HOMER2: variants seen among roughly 807,000 people sequenced by gnomAD.
The protein encoded by HOMER2 is homer scaffold protein 2.
In HOMER2, 27 loss-of-function variants were observed where a neutral mutation model predicts 47.0. That is an observed-to-expected ratio of 0.57 (90% CI 0.42 to 0.79). The LOEUF is 0.79. Ranked by LOEUF, HOMER2 falls within the 30% of genes least tolerant of loss-of-function variation. The pLI is 0.00. For synonymous variants in HOMER2, 161 were observed against 163.8 expected (o/e 0.98, Z 0.13); for missense variants, 443 against 435.0 (o/e 1.02, Z -0.16).
chr15:82,967,851 T>A (rs1008344535), intron 1 of HOMER2, among the ~76,000 whole-genome samples: 3 of 151,410 alleles, frequency 2.0e-5, no homozygotes, highest in Non-Finnish European at 4.4e-5. Context: ...CACTCCAGCC[T>A]GGGTGACAGA....
At chr15:82,934,922 C>T (rs115297673) in intron 1 of HOMER2, among the ~76,000 whole-genome samples, 2,364 of 152,322 alleles carry the variant, frequency 0.016, 33 homozygotes, top group African/African-American at 0.03. Flanking sequence ...TCTCTGCTGA[C>T]GACCCTGCCT....
intron 5 of HOMER2, among the ~76,000 whole-genome samples, chr15:82,856,652 C>T (rs573969799): frequency 6.6e-6 from 1 of 152,294 alleles, no homozygotes; most frequent in African/African-American, 2.4e-5. Flanking sequence ...AAAGCTCTCA[C>T]AATTGTCTGA....
intron 1 of HOMER2, among the ~76,000 whole-genome samples, chr15:82,900,918 G>A (rs1194430270): frequency 6.6e-6 from 1 of 152,176 alleles, no homozygotes; most frequent in East Asian, 1.9e-4. Context: ...AATCCTCCTA[G>A]TCCTCTGACT....
chr15:82,864,292 T>C (rs980134002), intron 3 of HOMER2, 33 bp from the exon 4 acceptor site: 1 of 1,455,848 alleles, frequency 6.9e-7, no homozygotes, highest in Non-Finnish European at 9.6e-7. Flanking sequence ...AAGGCTTTTA[T>C]TAACCTCACT....
intron 3 of HOMER2, among the ~76,000 whole-genome samples, chr15:82,873,254 G>A (rs775960149): frequency 6.6e-6 from 1 of 152,140 alleles, no homozygotes; most frequent in Non-Finnish European, 1.5e-5. Flanking sequence ...ATTCCACTGG[G>A]CCCCTTATTC....
At chr15:82,835,824 C>G (rs1259955564), downstream of HOMER2, 2 of 152,260 alleles carry the variant, frequency 1.3e-5, no homozygotes, top group African/African-American at 4.8e-5. Flanking sequence ...CCTCCTTCCC[C>G]ACCACAGACA....
At position 82,854,770 on chromosome 15, in the gene HOMER2, C is replaced by T. The variant is rs763908871; in HGVS notation, c.525G>A (p.Glu175=). The T allele has an allele frequency of 6.2e-6, 10 of 1,611,022 alleles. No individual in the cohort carries two copies. In the Admixed American group the frequency reaches 1.7e-4, roughly 27 times the overall value. The part of the protein sequence containing the change: ...SAANVKKWEI[E]LQTLRESNAR... ...CATTGCTCTCCCGAAGGGTCTGCAG[C>T]TCGATCTCCCACTTCTTCACGTTGG... Residue 175 remains glutamate (E), a synonymous_variant, in exon 6 of 9, where the codon GAG becomes GAA. Transcript: ENST00000450735.
At chr15:82,982,292 G>A (rs74030859) in intron 1 of HOMER2, among the ~76,000 whole-genome samples, 340 of 152,268 alleles carry the variant, frequency 2.2e-3, no homozygotes, top group African/African-American at 7.4e-3. Context: ...AAAAATTTCT[G>A]ATGCTTAAAG....
chr15:82,978,766 A>G (rs2123161), intron 1 of HOMER2, among the ~76,000 whole-genome samples: 7,314 of 152,152 alleles, frequency 0.048, 367 homozygotes, highest in African/African-American at 0.13. Flanking sequence ...CTGTCGCCAG[A>G]CTGAAGTTCA....
intron 2 of HOMER2, among the ~76,000 whole-genome samples, chr15:82,891,133 A>C (rs1012001624): frequency 5.3e-5 from 8 of 152,156 alleles, no homozygotes; most frequent in African/African-American, 1.9e-4. Context: ...GGAGGGAGAT[A>C]ACACACTACC....
chr15:82,917,676 A>G (rs1385967688), intron 1 of HOMER2, among the ~76,000 whole-genome samples: 2 of 152,164 alleles, frequency 1.3e-5, no homozygotes, highest in Admixed American at 1.3e-4. Flanking sequence ...AGTTAAGAAG[A>G]ATAAACCCAT....
chr15:82,862,346 G>A (rs1255813839), intron 4 of HOMER2, among the ~76,000 whole-genome samples: 1 of 152,110 alleles, frequency 6.6e-6, no homozygotes, highest in Non-Finnish European at 1.5e-5. Flanking sequence ...TATTTTTAAG[G>A]TTTAAAATAC....
At chr15:82,837,743 C>T (rs2151580571) in exon 2 of HOMER2, 1 of 152,356 alleles carries the variant, frequency 6.6e-6, no homozygotes, top group East Asian at 1.9e-4. Flanking sequence ...CAGCTGAGTT[C>T]CATGAACGCC....
intron 4 of HOMER2, among the ~76,000 whole-genome samples, chr15:82,859,696 T>C (rs2051709232): frequency 6.6e-6 from 1 of 152,204 alleles, no homozygotes; most frequent in African/African-American, 2.4e-5. Context: ...CTTAGTGCTG[T>C]TATGAATATG....
At chr15:82,840,364 G>C (rs890071946) in exon 2 of HOMER2, 1 of 152,036 alleles carries the variant, frequency 6.6e-6, no homozygotes, top group Admixed American at 6.6e-5. Context: ...AGAACAAAAA[G>C]GGAAAGCACA....
chr15:82,980,189 G>A (rs2030345952), intron 1 of HOMER2, among the ~76,000 whole-genome samples: 1 of 151,856 alleles, frequency 6.6e-6, no homozygotes, highest in Admixed American at 6.6e-5. Flanking sequence ...ATATTATGAT[G>A]TTTTGATGTC....
At chr15:82,853,376 G>A (rs2051461650) in intron 6 of HOMER2, among the ~76,000 whole-genome samples, 1 of 152,224 alleles carries the variant, frequency 6.6e-6, no homozygotes, top group Non-Finnish European at 1.5e-5. Flanking sequence ...GCCAGGCCTC[G>A]GGTGGGAACG....
chr15:82,916,017 A>C (rs138531258), intron 1 of HOMER2, among the ~76,000 whole-genome samples: 87 of 152,306 alleles, frequency 5.7e-4, no homozygotes, highest in African/African-American at 1.9e-3. Flanking sequence ...TTACAAAATA[A>C]AGAGACCACC....
intron 1 of HOMER2, among the ~76,000 whole-genome samples, chr15:82,923,686 C>G (rs1483514338): frequency 6.6e-6 from 1 of 152,064 alleles, no homozygotes; most frequent in African/African-American, 2.4e-5. Context: ...TGTTCTCCTC[C>G]CATGCACGCA....
Sources: allele counts gnomAD v4.1 joint callset (sites outside exome capture counted in the v4.1 genomes callset), GRCh38; gene constraint gnomAD v4.1.1; transcripts MANE v1.5; gene names NCBI Gene and HGNC (gene_info 2026-07-23, HGNC 2026-07-21).